Variants in RFX8 observed in about 807,000 individuals in gnomAD.
RFX8 encodes the protein regulatory factor X8.
A neutral mutation model predicts 54.6 loss-of-function variants in RFX8; 46 were observed. That is an observed-to-expected ratio of 0.84 (90% confidence interval 0.67 to 1.08). RFX8 has a LOEUF of 1.08. RFX8 is among the 50% of genes least tolerant of loss of function. The pLI is 0.00. For synonymous variants in RFX8, 192 were observed against 209.5 expected (o/e 0.92, Z 0.72); for missense variants, 536 against 562.3 (o/e 0.95, Z 0.47).
At chr2:101,458,342 C>T (rs939007605) in intron 2 of RFX8, among the ~76,000 whole-genome samples, 1 of 152,194 alleles carries the variant, frequency 6.6e-6, no homozygotes, top group Non-Finnish European at 1.5e-5. Context: ...TTTGCAGTGA[C>T]TGGTATCGGC....
intron 2 of RFX8, chr2:101,429,047 A>C: frequency 7.0e-7 from 1 of 1,425,532 alleles, no homozygotes; most frequent in South Asian, 1.2e-5. Context: ...ACAGAGAAGT[A>C]ATTTTAGCAA....
intron 5 of RFX8, 22 bp from the exon 6 acceptor site, chr2:101,417,706 A>G (rs1354227403): frequency 2.1e-5 from 32 of 1,534,422 alleles, no homozygotes; most frequent in Non-Finnish European, 2.8e-5. Flanking sequence ...GTAACAAGAC[A>G]CTATGATTCT....
intron 2 of RFX8, among the ~76,000 whole-genome samples, chr2:101,450,999 C>T (rs528274266): frequency 6.6e-6 from 1 of 151,892 alleles, no homozygotes; most frequent in Non-Finnish European, 1.5e-5. Flanking sequence ...TCAACCACTG[C>T]CCCCCGACCC....
At chr2:101,456,751 C>G (rs1336890301) in intron 2 of RFX8, among the ~76,000 whole-genome samples, 2 of 152,114 alleles carry the variant, frequency 1.3e-5, no homozygotes, top group Non-Finnish European at 2.9e-5. Context: ...GGAAGATTCC[C>G]TTTTTCTATT....
At chr2:101,466,062 A>G (rs981796277) in intron 2 of RFX8, among the ~76,000 whole-genome samples, 11 of 152,246 alleles carry the variant, frequency 7.2e-5, no homozygotes, top group African/African-American at 2.7e-4. Flanking sequence ...GTTTGGAAGA[A>G]CGGATCTAAT....
At chr2:101,473,428 G>T (rs973326091) in intron 1 of RFX8, among the ~76,000 whole-genome samples, 6 of 152,060 alleles carry the variant, frequency 3.9e-5, no homozygotes, top group Middle Eastern at 3.2e-3. Flanking sequence ...TCTCATTGAA[G>T]ATAAGACATG....
chr2:101,417,528 AC>A lies in RFX8; in HGVS notation c.502+5del, dbSNP rs1377081455. ...CCCAGAATTTATTTTTTTCATCGAAACCTACCTTTGAGTTTGGAGATCTGCA... is the reference window on the plus strand; with the variant it reads ...CCCAGAATTTATTTTTTTCATCGAAACTACCTTTGAGTTTGGAGATCTGCA... On this transcript the variant is annotated splice_donor_5th_base_variant and intron_variant, in intron 6 of 11. Transcript: ENST00000428343. The A allele has an allele frequency of 5.2e-6, 8 of 1,544,284 alleles. No individual in the cohort carries two copies. The highest frequency in any genetic ancestry group is 7.0e-6 in the Non-Finnish European group (8 of 1,144,410).
At chr2:101,416,178 G>A (rs1029921166) in intron 6 of RFX8, among the ~76,000 whole-genome samples, 1 of 152,086 alleles carries the variant, frequency 6.6e-6, no homozygotes, top group Non-Finnish European at 1.5e-5. Flanking sequence ...ACTGGGGGTG[G>A]AGGGAGTGTG....
intron 2 of RFX8, among the ~76,000 whole-genome samples, chr2:101,455,201 C>T (rs189974870): frequency 3.3e-5 from 5 of 151,998 alleles, no homozygotes; most frequent in East Asian, 1.9e-4. Context: ...TTAGTAGAGA[C>T]GGGGTTTCAC....
intron 2 of RFX8, among the ~76,000 whole-genome samples, chr2:101,445,502 C>G (rs948057053): frequency 3.9e-5 from 6 of 151,962 alleles, no homozygotes; most frequent in African/African-American, 1.5e-4. Context: ...AGGTTACTCT[C>G]CCACCTCAGC....
chr2:101,431,806 G>A lies in RFX8; in HGVS notation c.73-9334C>T, dbSNP rs140292803. Reference sequence around the variant, plus strand: ...ATATGGGCTTAATTCAGCAGCAATCGAAAAGAAGGTGGCATCACCCTCCTC... The same window carrying A: ...ATATGGGCTTAATTCAGCAGCAATCAAAAAGAAGGTGGCATCACCCTCCTC... On this transcript the variant is annotated intron_variant, in intron 2 of 11. Transcript: ENST00000428343. Among the ~76,000 whole-genome samples the A allele has an allele frequency of 2.0e-4, 31 of 152,212 alleles. No homozygotes were observed. In the East Asian group the frequency reaches 5.6e-3, roughly 27 times the overall value.
At chr2:101,468,961 C>CATAT (rs199736297) in intron 1 of RFX8, among the ~76,000 whole-genome samples, 1 of 134,742 alleles carries the variant, frequency 7.4e-6, no homozygotes, top group African/African-American at 2.8e-5. Flanking sequence ...ATATAGCCAG[C>CATAT]ATATATATAT....
chr2:101,421,419 A>G (rs1227284678), intron 4 of RFX8: 28 of 1,066,086 alleles, frequency 2.6e-5, no homozygotes, highest in Admixed American at 5.4e-5. Flanking sequence ...GAATTTTATT[A>G]CCAACACTTT....
intron 2 of RFX8, among the ~76,000 whole-genome samples, chr2:101,447,406 T>C (rs1019883417): frequency 5.3e-5 from 8 of 152,222 alleles, no homozygotes; most frequent in African/African-American, 1.7e-4. Flanking sequence ...GAAGTTTATT[T>C]CTCACAGTTC....
chr2:101,402,902 T>G (rs1354750808), intron 10 of RFX8, 150 bp from the exon 11 acceptor site: 1 of 695,512 alleles, frequency 1.4e-6, no homozygotes, highest in Non-Finnish European at 2.4e-6. Context: ...GTCGGCCTCT[T>G]ACGTAGCATC....
At chr2:101,430,744 T>A (rs567317244) in intron 2 of RFX8, among the ~76,000 whole-genome samples, 5 of 152,302 alleles carry the variant, frequency 3.3e-5, no homozygotes, top group African/African-American at 1.2e-4. Flanking sequence ...AATTATGCAG[T>A]TTCTTCAGGT....
chr2:101,461,124 C>T (rs1689249335), intron 2 of RFX8, among the ~76,000 whole-genome samples: 1 of 151,400 alleles, frequency 6.6e-6, no homozygotes, highest in South Asian at 2.1e-4. Flanking sequence ...AAAAAAATTG[C>T]CGGGCATGGT....
chr2:101,419,847 G>C (rs920378452), intron 4 of RFX8, among the ~76,000 whole-genome samples: 1 of 152,156 alleles, frequency 6.6e-6, no homozygotes. Flanking sequence ...TACAACACAG[G>C]GTGTAGCAAT....
intron 10 of RFX8, among the ~76,000 whole-genome samples, chr2:101,403,471 A>C (rs1159351413): frequency 2.6e-5 from 4 of 152,244 alleles, no homozygotes; most frequent in Non-Finnish European, 5.9e-5. Context: ...AGGTAAAACC[A>C]TGACTCTTAT....
Sources: gnomAD v4.1 joint callset for allele counts (sites outside exome capture counted in the v4.1 genomes callset) on GRCh38, gnomAD v4.1.1 for gene constraint, MANE v1.5 for transcripts, NCBI Gene and HGNC (gene_info 2026-07-23, HGNC 2026-07-21) for gene names.